NUP153: variants seen among roughly 807,000 people sequenced by gnomAD.
NUP153 encodes nuclear pore complex protein Nup153.
NUP153 carries 27 observed loss-of-function variants against 134.6 expected under a neutral mutation model. That is an observed-to-expected ratio of 0.20 (90% CI 0.15 to 0.28). The LOEUF is 0.28. Ranked by LOEUF, NUP153 falls within the 10% of genes least tolerant of loss-of-function variation. The probability of loss-of-function intolerance (pLI) is 1.00; values close to 1 mark genes in which losing one functional copy is unlikely to be tolerated. For missense variants in NUP153, 1,821 were observed against 1,731.3 expected, an observed-to-expected ratio of 1.05 and a Z score of -0.92; for synonymous variants, 640 against 623.5, an observed-to-expected ratio of 1.03 and a Z score of -0.40.
chr6:17,648,330 T>G (rs1766323826), intron 12 of NUP153, among the ~76,000 whole-genome samples: 2 of 152,062 alleles, frequency 1.3e-5, no homozygotes, highest in Admixed American at 1.3e-4. Context: ...ATAAAAATAT[T>G]TTTTGGCCAG....
In NUP153 at chr6:17,675,971, A is replaced by G. The variant is rs368880086; in HGVS notation, c.335-201T>C. ...ACTAAAATTAATTTAAATAAGAGCT[A>G]ATTTTTTTAAACCAGTAAGAGTGAT... On this transcript the variant is annotated intron_variant, in intron 2 of 21. Coordinates refer to ENST00000262077, the MANE Select transcript of NUP153 (RefSeq NM_005124.4). This position sits in a 1 kb window ranked among gnomAD's most constrained non-coding sequence, Gnocchi z 4.4. 4.6e-5 allele frequency among the ~76,000 whole-genome samples: 7 copies of G among 152,186 alleles called. No homozygotes were observed. In the East Asian group the frequency reaches 9.6e-4, roughly 21 times the overall value.
intron 1 of NUP153, among the ~76,000 whole-genome samples, 167 bp from the exon 2 acceptor site, chr6:17,688,785 A>T (rs1345691036): frequency 6.6e-6 from 1 of 152,250 alleles, no homozygotes; most frequent in African/African-American, 2.4e-5. Flanking sequence ...CAAATTCTAC[A>T]GATGTGAAAT....
At position 17,625,744 on chromosome 6, in the gene NUP153, G is replaced by T; in HGVS notation, c.3901+64C>A. On this transcript the variant is annotated intron_variant, in intron 19 of 21. Coordinates refer to ENST00000262077, the MANE Select transcript of NUP153 (RefSeq NM_005124.4). This position sits in a 1 kb window ranked among gnomAD's most constrained non-coding sequence, Gnocchi z 4.7. ...TAACCTGCTATATGATATTCGCTAA[G>T]AACTGACACACTAATAAGTAAAGTC... The T allele has an allele frequency of 1.6e-6, 2 of 1,245,806 alleles. No homozygotes were observed. The highest frequency in any genetic ancestry group is 2.3e-6 in the Non-Finnish European group (2 of 860,050). The allele number at this position is 1,245,806 out of a possible 1,614,324, so 77.2% of individuals were successfully genotyped here. A position where few individuals can be genotyped will look rare whatever the true frequency, so the allele number is the denominator to read the frequency against.
At position 17,701,837 on chromosome 6, in the gene NUP153, G is replaced by C. The variant is rs934224733; in HGVS notation, c.111+4440C>G. Among the ~76,000 whole-genome samples the C allele has an allele frequency of 8.4e-5, 9 of 106,644 alleles. 1 individual carries two copies. Among genetic ancestry groups the C allele is most frequent in the East Asian group, 5.0e-4 (2 of 3,990 alleles). The allele number at this position is 106,644 out of a possible 152,430, so 70.0% of individuals were successfully genotyped here. ...AACAGAGCAAGACTCTGTCTCGGGG[G>C]GGGGGGGAAAAAAGCTAAATGCAGG... On this transcript the variant is annotated intron_variant, in intron 1 of 21. Transcript: ENST00000262077.
At chr6:17,685,926 T>C (rs1354560447) in intron 2 of NUP153, among the ~76,000 whole-genome samples, 3 of 151,940 alleles carry the variant, frequency 2.0e-5, no homozygotes, top group African/African-American at 7.3e-5. Context: ...GGCAGGAGGC[T>C]CACTTGAGGC....
At chr6:17,683,417 T>C (rs557346230) in intron 2 of NUP153, among the ~76,000 whole-genome samples, 111 of 152,340 alleles carry the variant, frequency 7.3e-4, no homozygotes, top group African/African-American at 2.5e-3. Context: ...CATTGTATTA[T>C]CAAGCATCAG....
chr6:17,623,580 C>A (rs1237762545), intron 20 of NUP153, among the ~76,000 whole-genome samples: 1 of 152,082 alleles, frequency 6.6e-6, no homozygotes, highest in Non-Finnish European at 1.5e-5. Context: ...CACCAAGGTA[C>A]ATATACAAGA....
chr6:17,660,285 T>C lies in NUP153; in HGVS notation c.1395+1368A>G, dbSNP rs541515975. ...GCTAAAAATATACTCCTAAAACTCA[T>C]TGGTCAATGAGGGAGTCACTGGTGA... On this transcript the variant is annotated intron_variant, in intron 11 of 21. Transcript: ENST00000262077. Among the ~76,000 whole-genome samples the C allele has an allele frequency of 1.1e-4, 17 of 152,252 alleles. No homozygotes were observed. The South Asian group carries it at 1.9e-3, about 17-fold the overall frequency.
In NUP153 at chr6:17,618,782, G is replaced by C. The variant is rs182327895; in HGVS notation, c.4175-2087C>G. ...GGGGTTTCACCGTGTTAGCCAGGAT[G>C]GTCTCGATATCCTGACCTCGTGATC... On this transcript the variant is annotated intron_variant, in intron 20 of 21. Transcript: ENST00000262077. 3.8e-3 allele frequency among the ~76,000 whole-genome samples: 584 copies of C among 152,212 alleles called. 2 individuals are homozygous for C. Among genetic ancestry groups the C allele is most frequent in the Non-Finnish European group, 5.2e-3 (357 of 68,018 alleles).
chr6:17,699,702 G>C (rs1769924597), intron 1 of NUP153, among the ~76,000 whole-genome samples: 1 of 151,880 alleles, frequency 6.6e-6, no homozygotes, highest in South Asian at 2.1e-4. Flanking sequence ...AGGCGTGGTG[G>C]CACACACCTG....
At chr6:17,646,222 C>T (rs1331128450) in intron 13 of NUP153, 68 bp from the exon 14 acceptor site, 3 of 809,378 alleles carry the variant, frequency 3.7e-6, no homozygotes, top group Non-Finnish European at 2.0e-6. Flanking sequence ...TTTTTTATTC[C>T]CCCGAGACGG....
At chr6:17,649,414 T>C in intron 11 of NUP153, 114 bp from the exon 12 acceptor site, 2 of 867,214 alleles carry the variant, frequency 2.3e-6, no homozygotes, top group Non-Finnish European at 3.3e-6. Flanking sequence ...AGTGTTAACA[T>C]TATGGGTTCT....
At chr6:17,640,117 C>T in intron 14 of NUP153, 53 bp from the exon 15 acceptor site, 2 of 1,323,244 alleles carry the variant, frequency 1.5e-6, no homozygotes, top group Non-Finnish European at 2.0e-6. Context: ...ACTGGACTCT[C>T]AAATGCATTT....
intron 2 of NUP153, among the ~76,000 whole-genome samples, chr6:17,687,395 TA>T (rs1200204551): frequency 6.6e-6 from 1 of 152,214 alleles, no homozygotes; most frequent in Non-Finnish European, 1.5e-5. Context: ...CTTAGAGATC[TA>T]CCAGATAAAA....
At chr6:17,701,344 T>C (rs1194627011) in intron 1 of NUP153, among the ~76,000 whole-genome samples, 3 of 151,822 alleles carry the variant, frequency 2.0e-5, no homozygotes, top group African/African-American at 7.3e-5. Context: ...CCTGGCCAAC[T>C]TGGTGAAACC....
Position 17,689,475 on chromosome 6 carries a change from T to C in NUP153, c.112-857A>G, listed in dbSNP as rs116247141. On this transcript the variant is annotated intron_variant, in intron 1 of 21. Transcript: ENST00000262077. The stretch of plus-strand genomic sequence containing the variant: ...AAACAATCTAAAATCTTTTCTGATG[T>C]TGACATTTCACTACAGCAAATGTTG... 8.1e-3 allele frequency among the ~76,000 whole-genome samples: 1,224 copies of C among 151,550 alleles called. 10 individuals carry two copies. Among genetic ancestry groups the C allele is most frequent in the African/African-American group, 0.026 (1,078 of 41,376 alleles).
At chr6:17,695,805 C>T (rs887494365) in intron 1 of NUP153, among the ~76,000 whole-genome samples, 7 of 152,082 alleles carry the variant, frequency 4.6e-5, no homozygotes, top group Non-Finnish European at 5.9e-5. Flanking sequence ...GTCAGGAGAT[C>T]GAGACCATCC....
At chr6:17,661,489 G>A (rs535625370) in intron 11 of NUP153, among the ~76,000 whole-genome samples, 164 bp downstream of exon 11, 1 of 152,074 alleles carries the variant, frequency 6.6e-6, no homozygotes, top group African/African-American at 2.4e-5. Flanking sequence ...GAAATTTAAG[G>A]TACTAGATTA....
At chr6:17,701,212 C>T (rs866791597) in intron 1 of NUP153, among the ~76,000 whole-genome samples, 39 of 138,978 alleles carry the variant, frequency 2.8e-4, no homozygotes, top group African/African-American at 8.6e-4. Context: ...GCAACAAGAG[C>T]GAAACTCTGT....
Sources: gnomAD v4.1 joint callset for allele counts (sites outside exome capture counted in the v4.1 genomes callset) on GRCh38, gnomAD v4.1.1 for gene constraint, Gnocchi (gnomAD v3.1) non-coding constraint, MANE v1.5 for transcripts, NCBI Gene and HGNC (gene_info 2026-07-23, HGNC 2026-07-21) for gene names.